The following OLFM3 variants were observed in gnomAD, a reference collection of about 807,000 sequenced individuals.
OLFM3 encodes noelin-3.
OLFM3 carries 20 observed loss-of-function variants against 48.6 expected under a neutral mutation model. That is an observed-to-expected ratio of 0.41 (90% CI 0.29 to 0.60). The LOEUF (loss-of-function observed/expected upper bound fraction) is 0.60. Ranked by LOEUF, OLFM3 falls within the 20% of genes least tolerant of loss-of-function variation. The pLI is 0.28. For missense variants in OLFM3, 437 were observed against 544.3 expected, an observed-to-expected ratio of 0.80 and a Z score of 1.96; for synonymous variants, 222 against 198.1, an observed-to-expected ratio of 1.12 and a Z score of -1.01.
At chr1:101,912,651 C>T (rs947288117) in intron 1 of OLFM3, among the ~76,000 whole-genome samples, 20 of 152,116 alleles carry the variant, frequency 1.3e-4, no homozygotes, top group Admixed American at 5.9e-4. Context: ...GAGAATCATA[C>T]GATTGAGGTA....
chr1:101,970,106 T>G (rs1181157719), intron 1 of OLFM3, among the ~76,000 whole-genome samples: 1 of 151,870 alleles, frequency 6.6e-6, no homozygotes, highest in East Asian at 1.9e-4. Context: ...ACCTCCACCT[T>G]CTGGGCTCAA....
At chr1:101,967,590 G>GAAAAAAAAAAAAAAAAAAAAAA (rs71592233) in intron 1 of OLFM3, among the ~76,000 whole-genome samples, 3 of 44,582 alleles carry the variant, frequency 6.7e-5, no homozygotes, top group African/African-American at 1.1e-4. Context: ...CCTAGTCAGT[G>GAAAAAAAAAAAAAAAAAAAAAA]AAAAAAAAAA....
At chr1:101,826,333 A>G (rs1654865839) in intron 3 of OLFM3, among the ~76,000 whole-genome samples, 1 of 152,114 alleles carries the variant, frequency 6.6e-6, no homozygotes, top group Admixed American at 6.5e-5. Flanking sequence ...ATATTTCTTT[A>G]TTTATTTCAG....
intron 1 of OLFM3, among the ~76,000 whole-genome samples, chr1:101,978,142 T>G (rs2101105128): frequency 6.6e-6 from 1 of 152,252 alleles, no homozygotes; most frequent in South Asian, 2.1e-4. Context: ...ATTTCATGTT[T>G]ATGTAGTCCC....
chr1:101,895,731 A>T (rs1398385329), intron 1 of OLFM3, among the ~76,000 whole-genome samples: 1 of 152,130 alleles, frequency 6.6e-6, no homozygotes, highest in Non-Finnish European at 1.5e-5. Flanking sequence ...ATGGGCTATG[A>T]ACAGATTTAT....
At chr1:101,987,664 T>C (rs1189831944) in intron 1 of OLFM3, among the ~76,000 whole-genome samples, 1 of 152,152 alleles carries the variant, frequency 6.6e-6, no homozygotes, top group Non-Finnish European at 1.5e-5. Flanking sequence ...ACATTTCCAG[T>C]ACTGATTCTC....
intron 1 of OLFM3, among the ~76,000 whole-genome samples, chr1:101,902,301 A>C (rs1658413544): frequency 6.6e-6 from 1 of 152,050 alleles, no homozygotes; most frequent in South Asian, 2.1e-4. Flanking sequence ...TCCTGATTAT[A>C]ATGGTTAAAT....
At chr1:101,949,954 T>C (rs1660080125) in intron 1 of OLFM3, among the ~76,000 whole-genome samples, 2 of 65,408 alleles carry the variant, frequency 3.1e-5, no homozygotes, top group Non-Finnish European at 7.5e-5. Context: ...AAAAAGCCTC[T>C]GATGCGGAGT....
At chr1:101,877,366 A>C (rs1374836931) in intron 1 of OLFM3, among the ~76,000 whole-genome samples, 2 of 151,958 alleles carry the variant, frequency 1.3e-5, no homozygotes, top group East Asian at 3.9e-4. Context: ...TACCTTGACT[A>C]CTATTTTAAA....
intron 1 of OLFM3, among the ~76,000 whole-genome samples, chr1:101,996,074 T>C (rs994842929): frequency 2.0e-5 from 3 of 152,224 alleles, no homozygotes; most frequent in Middle Eastern, 3.2e-3. Flanking sequence ...TAACTCATCC[T>C]TCCTATTGCC....
At chr1:101,849,502 A>G (rs901260788) in intron 1 of OLFM3, among the ~76,000 whole-genome samples, 3 of 152,214 alleles carry the variant, frequency 2.0e-5, no homozygotes, top group Admixed American at 6.5e-5. Flanking sequence ...TTTATCTTCT[A>G]TGTAATTCAA....
Position 101,804,769 on chromosome 1 carries a change from G to C in OLFM3, c.846C>G (p.Leu282=), listed in dbSNP as rs752136094. The C allele has an allele frequency of 5.0e-6, 8 of 1,612,576 alleles. No individual in the cohort carries two copies. The South Asian group carries it at 7.7e-5, about 15-fold the overall frequency. ...GTNHVVYNGS[L]YFNKYQSNII... is the part of the protein sequence containing the mutation. ...TATTACTCTGATACTTGTTAAAATA[G>C]AGTGAGCCATTGTAGACAACATGGT... The change falls in exon 6 of 6, where the codon CTC becomes CTG. Residue 282 remains leucine, a synonymous_variant. Coordinates refer to ENST00000370103, the MANE Select transcript of OLFM3 (RefSeq NM_058170.4). This position sits in a 1 kb window ranked among gnomAD's most constrained non-coding sequence, Gnocchi z 4.5.
At chr1:101,909,155 C>T (rs1658659661) in intron 1 of OLFM3, among the ~76,000 whole-genome samples, 1 of 152,206 alleles carries the variant, frequency 6.6e-6, no homozygotes, top group East Asian at 1.9e-4. Context: ...TCTGCTGCCA[C>T]TTGGACATCT....
At chr1:101,950,690 C>T (rs1461967248) in intron 1 of OLFM3, among the ~76,000 whole-genome samples, 2 of 152,018 alleles carry the variant, frequency 1.3e-5, no homozygotes, top group African/African-American at 2.4e-5. Context: ...GTGATCCACC[C>T]GCCTCGGCCT....
At chr1:101,857,565 C>T (rs1166767230) in intron 1 of OLFM3, among the ~76,000 whole-genome samples, 2 of 151,804 alleles carry the variant, frequency 1.3e-5, no homozygotes, top group Admixed American at 6.6e-5. Flanking sequence ...CTTTGCAAAG[C>T]ATTCCACCCG....
chr1:101,991,279 CAT>C (rs1661403857), intron 1 of OLFM3, among the ~76,000 whole-genome samples: 1 of 151,928 alleles, frequency 6.6e-6, no homozygotes, highest in Non-Finnish European at 1.5e-5. Context: ...ATTAATTTCA[CAT>C]AACCTACCAA....
At chr1:101,843,021 G>T (rs1655805088) in intron 1 of OLFM3, among the ~76,000 whole-genome samples, 1 of 152,124 alleles carries the variant, frequency 6.6e-6, no homozygotes, top group African/African-American at 2.4e-5. Context: ...AATTTGGGGG[G>T]AAAAACAGTC....
chr1:101,918,581 T>C (rs1658997972), intron 1 of OLFM3, among the ~76,000 whole-genome samples: 1 of 151,146 alleles, frequency 6.6e-6, no homozygotes, highest in Non-Finnish European at 1.5e-5. Context: ...TTTTTTAACT[T>C]ATAAGGTGCT....
intron 1 of OLFM3, among the ~76,000 whole-genome samples, chr1:101,883,936 C>CT (rs368907486): frequency 0.014 from 2,134 of 148,878 alleles, 48 homozygotes; most frequent in African/African-American, 0.047. Flanking sequence ...AACTTACTAT[C>CT]TTTTTTTTTT....
Sources: gnomAD v4.1 joint callset for allele counts (sites outside exome capture counted in the v4.1 genomes callset) on GRCh38, gnomAD v4.1.1 for gene constraint, Gnocchi (gnomAD v3.1) non-coding constraint, MANE v1.5 for transcripts, NCBI Gene and HGNC (gene_info 2026-07-23, HGNC 2026-07-21) for gene names.